The following CCDC88C variants were observed in gnomAD, a reference collection of about 807,000 sequenced individuals.
CCDC88C encodes coiled-coil and HOOK domain protein 88C.
In CCDC88C, 131 loss-of-function variants were observed where a neutral mutation model predicts 198.8. The observed-to-expected ratio is 0.66, with a 90% CI of 0.57 to 0.76. The LOEUF is 0.76. CCDC88C is among the 30% of genes least tolerant of loss of function. CCDC88C has a pLI of 0.00. For synonymous variants in CCDC88C, 1,166 were observed against 1,114.7 expected, an observed-to-expected ratio of 1.05 and a Z score of -0.92; for missense variants, 2,553 against 2,631.6, an observed-to-expected ratio of 0.97 and a Z score of 0.65.
At chr14:91,315,529 G>T in intron 14 of CCDC88C, 121 bp downstream of exon 14, 2 of 1,123,852 alleles carry the variant, frequency 1.8e-6, no homozygotes, top group Non-Finnish European at 1.2e-6. Flanking sequence ...TTAAGCTGTG[G>T]CTAAGCTAGG....
At chr14:91,416,658 ATGCAACC>A in intron 2 of CCDC88C, 73 bp downstream of exon 2, 1 of 1,020,468 alleles carries the variant, frequency 9.8e-7, no homozygotes, top group South Asian at 1.4e-5. Flanking sequence ...ACACCCCGCC[ATGCAACC>A]TTCCACTCCA....
Position 91,309,826 on chromosome 14 carries a change from C to T in CCDC88C, c.2864+33G>A, listed in dbSNP as rs373466177. The T allele has an allele frequency of 6.4e-4, 1,015 of 1,589,954 alleles. 2 individuals are homozygous for T. Among genetic ancestry groups the T allele is most frequent in the Non-Finnish European group, 8.4e-4 (973 of 1,162,552 alleles). ...CAGACTGAACAGTGGAGGAAGTGCT[C>T]CCACGATGGGGAGAGGGAGAAGAGG... On this transcript the variant is annotated intron_variant, in intron 16 of 29. Transcript: ENST00000389857.
chr14:91,393,587 T>C (rs1434868012), intron 3 of CCDC88C, among the ~76,000 whole-genome samples: 1 of 152,224 alleles, frequency 6.6e-6, no homozygotes, highest in Non-Finnish European at 1.5e-5. Flanking sequence ...CGCTTCCTTC[T>C]TCTGGCATCT....
chr14:91,408,816 A>C, intron 2 of CCDC88C, 49 bp from the exon 3 acceptor site: 1 of 1,254,246 alleles, frequency 8.0e-7, no homozygotes, highest in South Asian at 1.2e-5. Flanking sequence ...AGCAGCTGCC[A>C]CACTTCCTTT....
rs947860294 is a variant in CCDC88C, at chr14:91,415,617, G to A, written c.161+1121C>T. On this transcript the variant is annotated intron_variant, in intron 2 of 29. Transcript: ENST00000389857. The stretch of plus-strand genomic sequence containing the variant: ...TGCCTGCAATCCCAGCTACTCGGGA[G>A]GCTGAGGTAGGATAATCGCTTGAAC... Among the ~76,000 whole-genome samples the A allele has an allele frequency of 7.9e-5, 12 of 152,192 alleles. No homozygotes were observed. The South Asian group carries it at 2.3e-3, about 29-fold the overall frequency.
At chr14:91,357,292 T>C (rs1032754639) in intron 4 of CCDC88C, among the ~76,000 whole-genome samples, 1 of 152,210 alleles carries the variant, frequency 6.6e-6, no homozygotes, top group Non-Finnish European at 1.5e-5. Flanking sequence ...TTGCCTGTCG[T>C]CCAGGCTGGA....
intron 28 of CCDC88C, among the ~76,000 whole-genome samples, chr14:91,278,821 T>G (rs1050500286): frequency 6.6e-6 from 1 of 151,200 alleles, no homozygotes; most frequent in Non-Finnish European, 1.5e-5. Flanking sequence ...CAGAATGCAT[T>G]TGAAACCCCT....
chr14:91,394,056 T>C (rs1383652336), intron 3 of CCDC88C, among the ~76,000 whole-genome samples: 1 of 152,250 alleles, frequency 6.6e-6, no homozygotes, highest in African/African-American at 2.4e-5. Flanking sequence ...GCCTGTCTGG[T>C]TACTAAGGTT....
chr14:91,286,084 G>A (rs1596022598), intron 25 of CCDC88C, among the ~76,000 whole-genome samples: 2 of 152,126 alleles, frequency 1.3e-5, no homozygotes, highest in South Asian at 2.1e-4. Flanking sequence ...TTTCCTCAGC[G>A]TGTGAGGAGA....
Position 91,385,587 on chromosome 14 carries a change from A to G in CCDC88C, c.270+23072T>C, listed in dbSNP as rs575548355. Among the ~76,000 whole-genome samples, 25 of 152,328 alleles carry G rather than the reference A, an allele frequency of 1.6e-4. 1 individual carries two copies. Among genetic ancestry groups the G allele is most frequent in the African/African-American group, 6.0e-4 (25 of 41,578 alleles). On this transcript the variant is annotated intron_variant, in intron 3 of 29. Coordinates refer to ENST00000389857, the MANE Select transcript of CCDC88C (RefSeq NM_001080414.4). ...AGGTCACAAGGTGGGCGGCAAGGCC[A>G]AACTCGGACATCAAAAGCTGGTTGC...
At chr14:91,407,732 A>G (rs956413473) in intron 3 of CCDC88C, among the ~76,000 whole-genome samples, 6 of 152,166 alleles carry the variant, frequency 3.9e-5, no homozygotes, top group African/African-American at 1.4e-4. Flanking sequence ...AGAGATCACT[A>G]ACACCATCAA....
rs11629007 is a variant in CCDC88C at position 91,320,953 on chromosome 14, A to G, written c.1527+167T>C. 0.081 allele frequency among the ~76,000 whole-genome samples: 12,269 copies of G among 152,144 alleles called. 613 individuals are homozygous for G. Among genetic ancestry groups the G allele is most frequent in the African/African-American group, 0.14 (5,653 of 41,502 alleles). ...CTGGCTCTCCCCAGTCCTCACTCCC[A>G]TTCCTATTATAATCAGCGGTGACTG... On this transcript the variant is annotated intron_variant, in intron 13 of 29. Coordinates refer to ENST00000389857, the MANE Select transcript of CCDC88C (RefSeq NM_001080414.4).
At chr14:91,285,385 C>T (rs1236214181) in intron 25 of CCDC88C, 1 of 454,370 alleles carries the variant, frequency 2.2e-6, no homozygotes, top group East Asian at 7.0e-5. Context: ...GGCACGGCCA[C>T]TCGACTTACT....
intron 22 of CCDC88C, 48 bp downstream of exon 22, chr14:91,297,257 T>TG: frequency 6.4e-7 from 1 of 1,574,220 alleles, no homozygotes; most frequent in Admixed American, 1.8e-5. Context: ...GCTGTCCCCT[T>TG]GGGGGACTCA....
intron 10 of CCDC88C, among the ~76,000 whole-genome samples, chr14:91,328,773 G>C (rs1051968647): frequency 6.6e-6 from 1 of 152,146 alleles, no homozygotes; most frequent in East Asian, 1.9e-4. Flanking sequence ...CAGCGCCTGA[G>C]ACCTACAAAC....
chr14:91,293,230 GC>G (rs1890760468), intron 23 of CCDC88C, among the ~76,000 whole-genome samples: 1 of 46,182 alleles, frequency 2.2e-5, no homozygotes, highest in Non-Finnish European at 4.0e-5. Flanking sequence ...CCACCTTCCT[GC>G]CCCCTCACCT....
intron 3 of CCDC88C, among the ~76,000 whole-genome samples, chr14:91,377,407 C>T (rs537640512): frequency 2.4e-4 from 37 of 152,136 alleles, no homozygotes; most frequent in Admixed American, 2.3e-3. Flanking sequence ...TCGGCAGGCG[C>T]GGTTATTCAC....
At chr14:91,362,615 A>G (rs1365522586) in intron 3 of CCDC88C, among the ~76,000 whole-genome samples, 2 of 151,994 alleles carry the variant, frequency 1.3e-5, no homozygotes, top group African/African-American at 2.4e-5. Context: ...CACAAGAAAC[A>G]TGTGTCATTT....
chr14:91,369,090 G>C (rs896499558), intron 3 of CCDC88C, among the ~76,000 whole-genome samples: 1 of 152,200 alleles, frequency 6.6e-6, no homozygotes, highest in African/African-American at 2.4e-5. Context: ...GAGCAAGACC[G>C]GGGTTGGAAC....
Sources: allele counts gnomAD v4.1 joint callset (sites outside exome capture counted in the v4.1 genomes callset), GRCh38; gene constraint gnomAD v4.1.1; transcripts MANE v1.5; gene names NCBI Gene and HGNC (gene_info 2026-07-23, HGNC 2026-07-21).